The following ANKS1B variants were observed in gnomAD, a reference collection of about 807,000 sequenced individuals.
ANKS1B encodes ankyrin repeat and sterile alpha motif domain containing 1B.
A neutral mutation model predicts 148.3 loss-of-function variants in ANKS1B; 36 were observed. The observed-to-expected ratio is 0.24, with a 90% confidence interval of 0.19 to 0.32. ANKS1B has a LOEUF of 0.32. Among genes scored for constraint, ANKS1B ranks in the 10% least tolerant of loss-of-function variants. The pLI, the probability that ANKS1B is intolerant of heterozygous loss-of-function variation, is 1.00. For synonymous variants in ANKS1B, 542 were observed against 560.8 expected (o/e 0.97, Z 0.47); for missense variants, 1,157 against 1,542.6 (o/e 0.75, Z 4.19).
At chr12:99,028,961 A>G (rs2099950423) in intron 17 of ANKS1B, among the ~76,000 whole-genome samples, 2 of 152,210 alleles carry the variant, frequency 1.3e-5, no homozygotes, top group Admixed American at 1.3e-4. Flanking sequence ...AAAAGGGACC[A>G]TGGCTGCCCT....
At chr12:99,341,369 A>C (rs1354859196) in intron 12 of ANKS1B, 1 of 152,138 alleles carries the variant, frequency 6.6e-6, no homozygotes. Context: ...GTTAAAGCCA[A>C]CAGATGAAAT....
chr12:99,849,072 A>G (rs1015418162), intron 1 of ANKS1B, among the ~76,000 whole-genome samples: 3 of 152,154 alleles, frequency 2.0e-5, no homozygotes, highest in Non-Finnish European at 4.4e-5. Context: ...ACAAGGGTTG[A>G]CAAACTACCT....
intron 14 of ANKS1B, among the ~76,000 whole-genome samples, chr12:99,207,119 A>G (rs2082768056): frequency 6.6e-6 from 1 of 152,208 alleles, no homozygotes; most frequent in African/African-American, 2.4e-5. Context: ...GAATATTCAG[A>G]AAACCCTGTC....
intron 8 of ANKS1B, among the ~76,000 whole-genome samples, chr12:99,753,167 A>C (rs1435026367): frequency 6.6e-6 from 1 of 152,154 alleles, no homozygotes; most frequent in Admixed American, 6.6e-5. Context: ...ATCTGTTCAA[A>C]GAAAAAGAAA....
intron 1 of ANKS1B, among the ~76,000 whole-genome samples, chr12:99,955,207 C>T (rs1419652490): frequency 6.6e-6 from 1 of 152,022 alleles, no homozygotes; most frequent in Non-Finnish European, 1.5e-5. Flanking sequence ...CCTGACTAAT[C>T]CTAATCATCT....
intron 4 of ANKS1B, among the ~76,000 whole-genome samples, chr12:99,805,263 C>CAAGAAAAAAAAAAAAAAAAA (rs2067456789): frequency 3.5e-5 from 1 of 28,908 alleles, no homozygotes; most frequent in Non-Finnish European, 5.8e-5. Context: ...GAGGAAAAGG[C>CAAGAAAAAAAAAAAAAAAAA]AAAAAAAAAA....
intron 1 of ANKS1B, among the ~76,000 whole-genome samples, chr12:99,867,497 C>T (rs76046463): frequency 1.3e-5 from 2 of 152,186 alleles, no homozygotes; most frequent in South Asian, 2.1e-4. Flanking sequence ...TGGTAGAGGG[C>T]GAAAGGCATG....
intron 1 of ANKS1B, among the ~76,000 whole-genome samples, chr12:99,876,765 T>C (rs961136378): frequency 2.0e-5 from 3 of 151,298 alleles, no homozygotes; most frequent in South Asian, 2.1e-4. Context: ...GGAAAGAAAC[T>C]GTGCAAAGAA....
In ANKS1B at chr12:99,020,875, G is replaced by A. The variant is rs367942120; in HGVS notation, c.2778+32282C>T. Among the ~76,000 whole-genome samples, 239 of 152,238 alleles carry A rather than the reference G, an allele frequency of 1.6e-3. 6 individuals are homozygous for A. The South Asian group carries it at 0.044, about 28-fold the overall frequency. ...CAAAATATAAAGAATGCAGAGAAGT[G>A]CAGGAGAAGAGAGAATGGTAAGCTA... On this transcript the variant is annotated intron_variant, in intron 17 of 26. Coordinates refer to ENST00000683438, the MANE Select transcript of ANKS1B (RefSeq NM_001352186.2).
chr12:99,090,419 C>T (rs2053631200), intron 15 of ANKS1B, among the ~76,000 whole-genome samples: 3 of 152,080 alleles, frequency 2.0e-5, no homozygotes, highest in Admixed American at 6.5e-5. Context: ...TATTTATTCT[C>T]TTCCTTCATC....
intron 1 of ANKS1B, among the ~76,000 whole-genome samples, chr12:99,929,171 C>T (rs961807660): frequency 6.6e-6 from 1 of 152,136 alleles, no homozygotes; most frequent in Non-Finnish European, 1.5e-5. Flanking sequence ...AAGTGAAAAA[C>T]CTCTTATCCT....
intron 17 of ANKS1B, among the ~76,000 whole-genome samples, chr12:98,991,835 T>TG (rs2099926736): frequency 6.6e-6 from 1 of 152,240 alleles, no homozygotes; most frequent in Non-Finnish European, 1.5e-5. Context: ...CTACATGTTG[T>TG]ATATTCACAT....
chr12:99,466,570 GAATCA>G (rs1468064199), intron 10 of ANKS1B, among the ~76,000 whole-genome samples: 1 of 149,910 alleles, frequency 6.7e-6, no homozygotes, highest in Non-Finnish European at 1.5e-5. Context: ...AAAGAGAGAA[GAATCA>G]AATAGATGCA....
intron 1 of ANKS1B, among the ~76,000 whole-genome samples, chr12:99,914,498 T>C (rs2094108815): frequency 2.0e-5 from 3 of 152,314 alleles, no homozygotes; most frequent in Admixed American, 6.5e-5. Context: ...GGGTAAGCCA[T>C]CTATCAATTC....
rs1460286221 is a variant in ANKS1B, at chr12:98,945,698, T to G, written c.2778+107459A>C. On this transcript the variant is annotated intron_variant, in intron 17 of 26. Transcript: ENST00000683438. ...GTTTTGCATTCATTCCTCAATATATTTACTGCGTGAATATGGATCAGCAGG... is the reference window on the plus strand; with the variant it reads ...GTTTTGCATTCATTCCTCAATATATGTACTGCGTGAATATGGATCAGCAGG... Among the ~76,000 whole-genome samples the G allele has an allele frequency of 4.6e-5, 7 of 152,154 alleles. No homozygotes were observed. The East Asian group carries it at 1.4e-3, about 29-fold the overall frequency.
intron 9 of ANKS1B, among the ~76,000 whole-genome samples, chr12:99,521,500 C>T (rs758573042): frequency 6.6e-6 from 1 of 152,084 alleles, no homozygotes; most frequent in Admixed American, 6.5e-5. Flanking sequence ...TTGTAGTCTT[C>T]GCAGTACAGG....
intron 19 of ANKS1B, among the ~76,000 whole-genome samples, chr12:98,823,703 G>A (rs1181347371): frequency 6.6e-6 from 1 of 152,252 alleles, no homozygotes; most frequent in Admixed American, 6.5e-5. Context: ...TGTTGGCCAG[G>A]CTGGTCTCAA....
chr12:99,658,055 C>G (rs891022805), intron 8 of ANKS1B, among the ~76,000 whole-genome samples: 5 of 152,114 alleles, frequency 3.3e-5, no homozygotes, highest in African/African-American at 1.2e-4. Context: ...TTTCACTATA[C>G]TCACCTCAGA....
In ANKS1B at chr12:99,052,734, C is replaced by CAAAAA. The variant is rs56965572; in HGVS notation, c.2778+418_2778+422dup. On this transcript the variant is annotated intron_variant, in intron 17 of 26. Transcript: ENST00000683438. ...TGGGCGACAGAGCGAGACTCCGTCT[C>CAAAAA]AAAAAAAAAAAAAAAAAAAAAAAAG... is the stretch of plus-strand genomic sequence containing the variant. 2.4e-3 allele frequency among the ~76,000 whole-genome samples: 62 copies of CAAAAA among 26,002 alleles called. 14 individuals carry two copies. Among genetic ancestry groups the CAAAAA allele is most frequent in the South Asian group, 0.013 (3 of 234 alleles). The allele number at this position is 26,002 out of a possible 152,430, so 17.1% of individuals were successfully genotyped here.
Sources: gnomAD v4.1 joint callset for allele counts (sites outside exome capture counted in the v4.1 genomes callset) on GRCh38, gnomAD v4.1.1 for gene constraint, MANE v1.5 for transcripts, NCBI Gene and HGNC (gene_info 2026-07-23, HGNC 2026-07-21) for gene names.